Variants in RBM47 observed in about 807,000 individuals in gnomAD.
The protein encoded by RBM47 is RNA binding motif protein 47.
Under a neutral mutation model 47.1 loss-of-function variants are expected in RBM47, and 21 were observed. The observed-to-expected ratio is 0.45, with a 90% confidence interval of 0.32 to 0.64. The LOEUF (loss-of-function observed/expected upper bound fraction) is 0.64, where lower values mean the gene tolerates loss of function less well. RBM47 is among the 30% of genes least tolerant of loss of function. The probability of loss-of-function intolerance (pLI) is 0.05; values close to 1 mark genes in which losing one functional copy is unlikely to be tolerated. For missense variants in RBM47, 708 were observed against 870.9 expected (o/e 0.81, Z 2.35); for synonymous variants, 375 against 361.7 (o/e 1.04, Z -0.42).
intron 1 of RBM47, among the ~76,000 whole-genome samples, chr4:40,597,270 A>G (rs114069366): frequency 0.023 from 3,425 of 150,720 alleles, 115 homozygotes; most frequent in African/African-American, 0.079. Flanking sequence ...AAAAAAAAAA[A>G]TAGTTTTAGT....
chr4:40,509,798 G>A (rs1724669462), intron 2 of RBM47, among the ~76,000 whole-genome samples: 1 of 152,040 alleles, frequency 6.6e-6, no homozygotes, highest in Admixed American at 6.6e-5. Context: ...AGGCAGAATG[G>A]TGTGAGCCCG....
At chr4:40,450,557 G>A (rs1043329793) in intron 3 of RBM47, among the ~76,000 whole-genome samples, 3 of 151,860 alleles carry the variant, frequency 2.0e-5, no homozygotes, top group Non-Finnish European at 4.4e-5. Flanking sequence ...AGCCAAGATC[G>A]CACCAATGCA....
rs568809402 is a variant in RBM47 at position 40,571,529 on chromosome 4, A to G, written c.-239-27023T>C. 1.6e-4 allele frequency among the ~76,000 whole-genome samples: 24 copies of G among 152,226 alleles called. 1 individual carries two copies. Among genetic ancestry groups the G allele is most frequent in the African/African-American group, 5.8e-4 (24 of 41,580 alleles). On this transcript the variant is annotated intron_variant, in intron 1 of 6. Transcript: ENST00000295971. ...ACAAGAAAACATAGGAGAATCTTTT[A>G]TAATCTGAAATGAGACCTTTCTATT... is the stretch of plus-strand genomic sequence containing the variant.
rs981748185 is a variant in RBM47 at position 40,425,012 on chromosome 4, A to C, written c.*892T>G. On this transcript the variant is annotated 3_prime_UTR_variant, in exon 7 of 7. Transcript: ENST00000295971. ...AAAAACAAAAAACAACGAAACAACA[A>C]ACCCCAACAAAAACCCAGGAAGAAG... 3 of 152,286 alleles carry C rather than the reference A, an allele frequency of 2.0e-5. No individual in the cohort carries two copies. The highest frequency in any genetic ancestry group is 4.8e-5 in the African/African-American group (2 of 41,570). 9.4% of individuals were successfully genotyped at this position (152,286 alleles called of 1,614,324 possible).
At chr4:40,566,908 A>T (rs931129575) in intron 1 of RBM47, among the ~76,000 whole-genome samples, 1 of 151,852 alleles carries the variant, frequency 6.6e-6, no homozygotes, top group African/African-American at 2.4e-5. Context: ...TCGTCCTCCC[A>T]AAGTGCTGAG....
chr4:40,508,582 T>A (rs1291918859), intron 2 of RBM47, among the ~76,000 whole-genome samples: 1 of 149,074 alleles, frequency 6.7e-6, no homozygotes. Flanking sequence ...AAGGGTTGAG[T>A]GAGAGGCCAG....
intron 2 of RBM47, among the ~76,000 whole-genome samples, chr4:40,504,937 A>G (rs1357292457): frequency 6.6e-6 from 1 of 152,226 alleles, no homozygotes; most frequent in Non-Finnish European, 1.5e-5. Context: ...ACCTCTGAAG[A>G]CAAAAAATTG....
At chr4:40,464,485 GTC>G (rs145528486) in intron 3 of RBM47, among the ~76,000 whole-genome samples, 13,172 of 151,998 alleles carry the variant, frequency 0.087, 618 homozygotes, top group Middle Eastern at 0.14. Flanking sequence ...TGTGAGTGTG[GTC>G]TCTCTCTCTG....
At chr4:40,601,342 T>C (rs1336665750) in intron 1 of RBM47, among the ~76,000 whole-genome samples, 1 of 152,192 alleles carries the variant, frequency 6.6e-6, no homozygotes, top group Non-Finnish European at 1.5e-5. Flanking sequence ...TGTCAGATCA[T>C]GACTATCGCT....
chr4:40,491,140 T>C (rs769041885), intron 2 of RBM47, among the ~76,000 whole-genome samples: 1 of 152,060 alleles, frequency 6.6e-6, no homozygotes, highest in African/African-American at 2.4e-5. Context: ...GGACAATAGA[T>C]TCGAAATGAG....
Position 40,497,602 on chromosome 4 carries a change from A to G in RBM47, c.-154-30903T>C, listed in dbSNP as rs79374680. On this transcript the variant is annotated intron_variant, in intron 2 of 6. Transcript: ENST00000295971. The stretch of plus-strand genomic sequence containing the variant: ...AGGGTGAGATCCTATCTCAAATAAA[A>G]TAATTTTTTAAAAAATTTTAAATAA... Among the ~76,000 whole-genome samples the G allele has an allele frequency of 3.9e-4, 60 of 152,138 alleles. No individual in the cohort carries two copies. The East Asian group carries it at 0.011, about 28-fold the overall frequency.
chr4:40,602,420 C>T (rs895505144), intron 1 of RBM47, among the ~76,000 whole-genome samples: 2 of 151,868 alleles, frequency 1.3e-5, no homozygotes, highest in Admixed American at 6.6e-5. Flanking sequence ...GAGGCCGAGG[C>T]GGGCAGATCA....
chr4:40,517,140 C>T (rs1001107141), intron 2 of RBM47, among the ~76,000 whole-genome samples: 4 of 141,562 alleles, frequency 2.8e-5, no homozygotes, highest in Non-Finnish European at 4.6e-5. Flanking sequence ...TTCCTTCCTT[C>T]CTTCTTTCTT....
At chr4:40,600,999 A>AAAAAAAAAAAAAAAAAAAAAAG (rs1338188731) in intron 1 of RBM47, among the ~76,000 whole-genome samples, 1 of 147,284 alleles carries the variant, frequency 6.8e-6, no homozygotes, top group African/African-American at 2.6e-5. Flanking sequence ...AAAAAAAAAA[A>AAAAAAAAAAAAAAAAAAAAAAG]AAAGAAAGAA....
chr4:40,426,166 A>G, intron 6 of RBM47, 23 bp from the exon 7 acceptor site: 1 of 1,610,314 alleles, frequency 6.2e-7, no homozygotes, highest in Non-Finnish European at 8.5e-7. Context: ...GACAAAAAGG[A>G]GCCTTCCTGA....
chr4:40,466,782 G>GA (rs1718116715), intron 2 of RBM47, 83 bp from the exon 3 acceptor site: 1 of 104,888 alleles, frequency 9.5e-6, no homozygotes, highest in Admixed American at 1.2e-4. Flanking sequence ...GGGGGGGGGG[G>GA]GGCAGATCCT....
chr4:40,582,705 C>G (rs1006589902), intron 1 of RBM47, among the ~76,000 whole-genome samples: 1 of 152,202 alleles, frequency 6.6e-6, no homozygotes, highest in African/African-American at 2.4e-5. Context: ...ACACATTCTT[C>G]TGGCTCCGGG....
chr4:40,560,326 T>C (rs1730487669), intron 1 of RBM47, among the ~76,000 whole-genome samples: 1 of 152,232 alleles, frequency 6.6e-6, no homozygotes, highest in African/African-American at 2.4e-5. Context: ...GACTTTTGGT[T>C]ATCTCCACTT....
intron 1 of RBM47, among the ~76,000 whole-genome samples, chr4:40,604,945 G>A (rs1023365288): frequency 2.0e-5 from 3 of 152,018 alleles, no homozygotes; most frequent in Non-Finnish European, 4.4e-5. Flanking sequence ...TCGAACTCCT[G>A]ACCTCGTGAT....
Sources: allele counts gnomAD v4.1 joint callset (sites outside exome capture counted in the v4.1 genomes callset), GRCh38; gene constraint gnomAD v4.1.1; transcripts MANE v1.5; gene names NCBI Gene and HGNC (gene_info 2026-07-23, HGNC 2026-07-21).